ITGA4: variants seen among roughly 807,000 people sequenced by gnomAD.
The protein encoded by ITGA4 is integrin subunit alpha 4, also known as integrin alpha-4.
Under a neutral mutation model 133.6 loss-of-function variants are expected in ITGA4, and 63 were observed. The observed-to-expected ratio is 0.47, with a 90% confidence interval of 0.38 to 0.58. The LOEUF (loss-of-function observed/expected upper bound fraction) is 0.58. Among genes scored for constraint, ITGA4 ranks in the 20% least tolerant of loss-of-function variants. The pLI is 0.00. For missense variants in ITGA4, 1,076 were observed against 1,252.7 expected (o/e 0.86, Z 2.13); for synonymous variants, 483 against 438.0 (o/e 1.10, Z -1.28).
chr2:181,525,143 T>G, intron 20 of ITGA4, 59 bp from the exon 21 acceptor site: 1 of 957,254 alleles, frequency 1.0e-6, no homozygotes, highest in Non-Finnish European at 1.7e-6. Flanking sequence ...ATGTAATTAG[T>G]TCTCTCTGAA....
chr2:181,535,971 T>C lies in ITGA4; in HGVS notation c.*444T>C, dbSNP rs1483377457. ...TTGATACTTGTTCAAAATATGTTCT[T>C]TAAAAATATAATTTTTTAGAGAGCT... On this transcript the variant is annotated 3_prime_UTR_variant, in exon 28 of 28. Coordinates refer to ENST00000397033, the MANE Select transcript of ITGA4 (RefSeq NM_000885.6). The C allele has an allele frequency of 6.6e-6, 1 of 152,280 alleles. No homozygotes were observed. Among genetic ancestry groups the C allele is most frequent in the African/African-American group, 2.4e-5 (1 of 41,450 alleles). 9.4% of individuals were successfully genotyped at this position (152,280 alleles called of 1,614,324 possible). A position where few individuals can be genotyped will look rare whatever the true frequency, so the allele number is the denominator to read the frequency against.
Position 181,523,542 on chromosome 2 carries a change from T to G in ITGA4, c.2169+10T>G. 7.0e-7 allele frequency: 1 copy of G among 1,436,832 alleles called. No homozygotes were observed. Among genetic ancestry groups the G allele is most frequent in the Non-Finnish European group, 9.8e-7 (1 of 1,020,830 alleles). 89.0% of individuals were successfully genotyped at this position (1,436,832 alleles called of 1,614,324 possible). ...AGATCATCTCTCAAGGGTAAGTGTT[T>G]CATATTTATGGCTTTTGTTCACTAT... On this transcript the variant is annotated intron_variant, in intron 19 of 27. Coordinates refer to ENST00000397033, the MANE Select transcript of ITGA4 (RefSeq NM_000885.6). This position sits in a 1 kb window ranked among gnomAD's most constrained non-coding sequence, Gnocchi z 4.2.
At chr2:181,483,375 G>C (rs951645593) in intron 9 of ITGA4, among the ~76,000 whole-genome samples, 1 of 152,022 alleles carries the variant, frequency 6.6e-6, no homozygotes, top group Non-Finnish European at 1.5e-5. Context: ...AAATCTTCTT[G>C]GCCCGTTCTT....
intron 2 of ITGA4, among the ~76,000 whole-genome samples, chr2:181,469,621 G>A (rs1184539882): frequency 6.6e-6 from 1 of 152,204 alleles, no homozygotes; most frequent in Non-Finnish European, 1.5e-5. Context: ...TCACATGTAT[G>A]TTTATTGCGG....
intron 17 of ITGA4, among the ~76,000 whole-genome samples, chr2:181,518,144 C>T (rs776122441): frequency 2.0e-5 from 3 of 152,014 alleles, no homozygotes; most frequent in Non-Finnish European, 4.4e-5. Flanking sequence ...ACTACTTAAC[C>T]CCAAGGTTTA....
chr2:181,482,724 G>T, intron 9 of ITGA4, 73 bp downstream of exon 9: 1 of 1,388,270 alleles, frequency 7.2e-7, no homozygotes, highest in Admixed American at 1.8e-5. Context: ...TTATTCCAGA[G>T]ATCTGAGATT....
rs1188274697 is a variant in ITGA4 at position 181,457,646 on chromosome 2, C to G, written c.-9C>G. On this transcript the variant is annotated 5_prime_UTR_variant, in exon 1 of 28. Coordinates refer to ENST00000397033, the MANE Select transcript of ITGA4 (RefSeq NM_000885.6). ...CCGTTTAGTGTTGAATGTTCCCCAC[C>G]GAGAGCGCATGGCTTGGGAAGCGAG... 1 of 1,607,654 alleles carries G rather than the reference C, an allele frequency of 6.2e-7. No homozygotes were observed. Among genetic ancestry groups the G allele is most frequent in the Non-Finnish European group, 8.5e-7 (1 of 1,178,336 alleles).
intron 15 of ITGA4, among the ~76,000 whole-genome samples, chr2:181,504,994 C>T (rs1686365002): frequency 6.6e-6 from 1 of 151,836 alleles, no homozygotes; most frequent in East Asian, 1.9e-4. Context: ...GCTTTTCCTT[C>T]CCGAGCCCTG....
chr2:181,509,827 T>C lies in ITGA4; in HGVS notation c.1845+20T>C. The C allele has an allele frequency of 6.4e-7, 1 of 1,556,920 alleles. No individual in the cohort carries two copies. The highest frequency in any genetic ancestry group is 8.8e-7 in the Non-Finnish European group (1 of 1,135,666). ...AAAACAGTAGGAATATTTTCCTTTATTCAAATTATTGTATGGCATTTAACT... is the reference window on the plus strand; with the variant it reads ...AAAACAGTAGGAATATTTTCCTTTACTCAAATTATTGTATGGCATTTAACT... On this transcript the variant is annotated intron_variant, in intron 16 of 27. Coordinates refer to ENST00000397033, the MANE Select transcript of ITGA4 (RefSeq NM_000885.6).
rs1489194987 is a variant in ITGA4, at chr2:181,457,564, T to TG, written c.-87dup. On this transcript the variant is annotated 5_prime_UTR_variant, in exon 1 of 28. Transcript: ENST00000397033. ...GCCGGACACGCTGCGCCTCATCTCT[T>TG]GGGGCGTTCTTCCCCGTTGGCCAAC... 1 of 1,189,218 alleles carries TG rather than the reference T, an allele frequency of 8.4e-7. No individual in the cohort carries two copies. Among genetic ancestry groups the TG allele is most frequent in the Admixed American group, 2.2e-5 (1 of 45,020 alleles). The allele number at this position is 1,189,218 out of a possible 1,614,324, so 73.7% of individuals were successfully genotyped here.
At chr2:181,475,564 T>C (rs969755154) in intron 4 of ITGA4, among the ~76,000 whole-genome samples, 14 of 152,212 alleles carry the variant, frequency 9.2e-5, no homozygotes, top group Non-Finnish European at 1.9e-4. Flanking sequence ...CAATTTGGTA[T>C]AGGTGAGACT....
At chr2:181,492,772 G>T (rs1686078378) in intron 10 of ITGA4, among the ~76,000 whole-genome samples, 2 of 152,136 alleles carry the variant, frequency 1.3e-5, no homozygotes, top group South Asian at 4.1e-4. Flanking sequence ...ATCTCTAACA[G>T]ATACCTTAAT....
intron 21 of ITGA4, 32 bp downstream of exon 21, chr2:181,525,323 T>A (rs753555587): frequency 1.0e-5 from 12 of 1,155,552 alleles, no homozygotes; most frequent in Non-Finnish European, 1.5e-5. Flanking sequence ...CTTTCAAATT[T>A]AGAGCTGATT....
At chr2:181,482,685 T>C in intron 9 of ITGA4, 34 bp downstream of exon 9, 1 of 1,602,200 alleles carries the variant, frequency 6.2e-7, no homozygotes, top group East Asian at 2.2e-5. Flanking sequence ...AAGCCATTTA[T>C]GGAATTATGA....
At chr2:181,464,090 T>TG in intron 2 of ITGA4, among the ~76,000 whole-genome samples, 1 of 151,778 alleles carries the variant, frequency 6.6e-6, no homozygotes, top group Non-Finnish European at 1.5e-5. Flanking sequence ...GAAAAGAGGC[T>TG]GAAAAAAAGG....
At chr2:181,475,501 A>G (rs1354366916) in intron 4 of ITGA4, among the ~76,000 whole-genome samples, 1 of 152,194 alleles carries the variant, frequency 6.6e-6, no homozygotes, top group Non-Finnish European at 1.5e-5. Flanking sequence ...TACAATTTGA[A>G]TAACTCTGAA....
At chr2:181,457,888 A>G (rs1685166519) in intron 1 of ITGA4, 37 bp downstream of exon 1, 1 of 1,555,474 alleles carries the variant, frequency 6.4e-7, no homozygotes, top group Non-Finnish European at 8.7e-7. Flanking sequence ...TCAGCAGCTC[A>G]GAGCGGCGTG....
At chr2:181,531,222 CTT>C (rs747789979) in intron 24 of ITGA4, among the ~76,000 whole-genome samples, 40 of 152,150 alleles carry the variant, frequency 2.6e-4, no homozygotes, top group Non-Finnish European at 5.0e-4. Flanking sequence ...AAGAGGTTGT[CTT>C]CACCTGGGCA....
intron 5 of ITGA4, chr2:181,479,411 T>C (rs1386493911): frequency 1.3e-5 from 2 of 152,044 alleles, no homozygotes; most frequent in Non-Finnish European, 2.9e-5. Context: ...GATCAGGCAC[T>C]ATATCAAGTT....
Sources: allele counts gnomAD v4.1 joint callset (sites outside exome capture counted in the v4.1 genomes callset), GRCh38; gene constraint gnomAD v4.1.1; non-coding constraint Gnocchi (gnomAD v3.1); transcripts MANE v1.5; gene names NCBI Gene and HGNC (gene_info 2026-07-23, HGNC 2026-07-21).